The following SMG5 variants were observed in gnomAD, a reference collection of about 807,000 sequenced individuals.
SMG5 encodes SMG5 nonsense mediated mRNA decay factor, also known as nonsense-mediated mRNA decay factor SMG5.
In SMG5, 53 loss-of-function variants were observed where a neutral mutation model predicts 122.9. That is an observed-to-expected ratio of 0.43 (90% confidence interval 0.35 to 0.54). The LOEUF (loss-of-function observed/expected upper bound fraction) is 0.54. SMG5 is among the 20% of genes least tolerant of loss of function. The probability of loss-of-function intolerance (pLI) is 0.01; values close to 1 mark genes in which losing one functional copy is unlikely to be tolerated. For missense variants in SMG5, 1,153 were observed against 1,285.6 expected (o/e 0.90, Z 1.58); for synonymous variants, 477 against 490.2 (o/e 0.97, Z 0.35).
At chr1:156,288,460 G>A in the SMG5 span, among the ~76,000 whole-genome samples, 12 of 151,542 alleles carry the variant, frequency 7.9e-5, no homozygotes, top group Non-Finnish European at 1.6e-4. Flanking sequence ...TCAGCCCCCC[G>A]AGTAGCTGAG....
chr1:156,252,555 A>G (rs376573613), intron 18 of SMG5, 51 bp from the exon 19 acceptor site: 20 of 1,576,420 alleles, frequency 1.3e-5, no homozygotes, highest in Non-Finnish European at 1.7e-5. Flanking sequence ...GACTGCTGTG[A>G]CAAGGGGCTC....
chr1:156,263,575 G>A lies in SMG5; in HGVS notation c.1856-5C>T, dbSNP rs193232337. 8.7e-4 allele frequency: 1,396 copies of A among 1,611,046 alleles called. 9 individuals are homozygous for A. The highest frequency in any genetic ancestry group is 2.5e-3 in the Middle Eastern group (15 of 6,068). The stretch of plus-strand genomic sequence containing the variant: ...ACTCAGAGCCCTCCTCAGAGGCTGG[G>A]GGGTGGGTGAATGGAAGAGAAAAAA... On this transcript the variant is annotated splice_polypyrimidine_tract_variant and splice_region_variant and intron_variant, in intron 12 of 21. Transcript: ENST00000361813.
At chr1:156,276,095 C>CA in intron 4 of SMG5, among the ~76,000 whole-genome samples, 1 of 151,352 alleles carries the variant, frequency 6.6e-6, no homozygotes, top group Middle Eastern at 3.5e-3. Context: ...AGATTACAGG[C>CA]ATGAGCCACC....
upstream of SMG5, chr1:156,285,785 G>A (rs750962203): frequency 2.5e-6 from 4 of 1,613,584 alleles, no homozygotes; most frequent in Non-Finnish European, 3.4e-6. Context: ...CTGTTCCTGT[G>A]GGGGCTGCGG....
chr1:156,274,746 A>G (rs777943324), intron 4 of SMG5, 60 bp from the exon 5 acceptor site: 1 of 1,361,426 alleles, frequency 7.3e-7, no homozygotes, highest in Non-Finnish European at 1.0e-6. Flanking sequence ...GCACCTATGA[A>G]GAAATACCCC....
At chr1:156,257,828 T>C (rs762195440) in intron 16 of SMG5, among the ~76,000 whole-genome samples, 13 of 152,148 alleles carry the variant, frequency 8.5e-5, no homozygotes, top group East Asian at 1.9e-4. Context: ...GAGGAGGGGA[T>C]TGGCTTGAGA....
intron 7 of SMG5, among the ~76,000 whole-genome samples, chr1:156,270,963 T>C (rs1172435858): frequency 4.7e-5 from 7 of 150,440 alleles, no homozygotes; most frequent in East Asian, 1.9e-4. Context: ...GCCGAGATCA[T>C]GCCATTGCAC....
chr1:156,286,360 G>A (rs1663161978), upstream of SMG5: 2 of 1,614,114 alleles, frequency 1.2e-6, no homozygotes, highest in African/African-American at 2.7e-5. Flanking sequence ...ATGTGGCCCA[G>A]TCGGTCCAGC....
At position 156,253,045 on chromosome 1, in the gene SMG5, G is replaced by A. The variant is rs1479692319; in HGVS notation, c.2536C>T (p.Gln846Ter). Residue 846 changes from glutamine (Q) to a stop codon, truncating the protein, a stop_gained, in exon 18 of 22, where the codon CAG becomes TAG. Transcript: ENST00000361813. LOFTEE classifies it high-confidence loss of function. ...GACATGGCTGACTGGGCCTTGGGCT[G>A]CTGCAGGCTGCCCTCCAGCTGAGAC... ...EVSQLEGSLQQPKAQSAMSPY... is the reference protein window; with the variant it reads ...EVSQLEGSLQ 6.2e-7 allele frequency: 1 copy of A among 1,611,186 alleles called. No individual in the cohort carries two copies. Among genetic ancestry groups the A allele is most frequent in the Non-Finnish European group, 8.5e-7 (1 of 1,178,744 alleles).
At chr1:156,285,575 G>A (rs762518038), upstream of SMG5, 6 of 1,614,094 alleles carry the variant, frequency 3.7e-6, no homozygotes, top group Non-Finnish European at 5.1e-6. Context: ...GCCCGAAGAC[G>A]ATGCCAACCT....
intron 13 of SMG5, 85 bp downstream of exon 13, chr1:156,263,308 CAG>C (rs1259186113): frequency 2.1e-6 from 3 of 1,439,546 alleles, no homozygotes; most frequent in African/African-American, 2.8e-5. Context: ...CCTTGGCCAT[CAG>C]GGGGGATCCT....
At chr1:156,272,168 T>TG (rs534823943) in intron 7 of SMG5, 152 bp downstream of exon 7, 153 of 683,236 alleles carry the variant, frequency 2.2e-4, no homozygotes, top group Non-Finnish European at 3.4e-4. Context: ...AGCAGGGCTG[T>TG]GTCAGAGTCC....
At chr1:156,251,110 A>G in intron 20 of SMG5, 114 bp from the exon 21 acceptor site, 1 of 1,410,020 alleles carries the variant, frequency 7.1e-7, no homozygotes, top group South Asian at 1.3e-5. Flanking sequence ...AGTGAGCAGC[A>G]GTGGGCCCTG....
At chr1:156,264,838 C>T (rs887433284) in intron 12 of SMG5, among the ~76,000 whole-genome samples, 1 of 152,148 alleles carries the variant, frequency 6.6e-6, no homozygotes, top group African/African-American at 2.4e-5. Flanking sequence ...CCAGCCTGGC[C>T]AACATGGCGA....
chr1:156,261,367 A>C lies in SMG5; in HGVS notation c.2073T>G (p.Asn691Lys), dbSNP rs765696191. Residue 691 changes from asparagine (N) to lysine (K), a missense_variant, in exon 14 of 22, where the codon AAT becomes AAG. Physicochemically the swap from Asn to Lys is moderately conservative, Grantham distance 94 (BLOSUM62 0). Around this residue, in one of 5 missense-constraint regions of SMG5, gnomAD observed 631 missense variants for 650.6 expected, o/e 0.97. Coordinates refer to ENST00000361813, the MANE Select transcript of SMG5 (RefSeq NM_015327.3). ...GGAGTTCACCAGCAGCAGGCAACAG[A>C]TTCAGCAACACAGACAGGCGGTTCC... ...SLWNRLSVLLNLLPAAGELQE... is the reference protein window; with the variant it reads ...SLWNRLSVLLKLLPAAGELQE... 2 of 1,614,186 alleles carry C rather than the reference A, an allele frequency of 1.2e-6. No individual in the cohort carries two copies. Among genetic ancestry groups the C allele is most frequent in the Non-Finnish European group, 1.7e-6 (2 of 1,180,040 alleles).
In SMG5 at chr1:156,277,142, A is replaced by G; in HGVS notation, c.397T>C (p.Tyr133His). Residue 133 changes from tyrosine to histidine, a missense_variant, in exon 4 of 22, where the codon TAC becomes CAC. By Grantham distance (83) the Tyr-to-His change is moderately conservative. This residue lies in a region of SMG5 where 213 missense variants were observed against 197.5 expected (regional missense o/e 1.08). Transcript: ENST00000361813. ...ATGCAGCACTGCAGTTCCAGCTGGTAGTGGGACTGGATATAGAGAAGGAGA... is the reference window on the plus strand; with the variant it reads ...ATGCAGCACTGCAGTTCCAGCTGGTGGTGGGACTGGATATAGAGAAGGAGA... ...QHLLLYIQSH[Y>H]QLELQCCIDW... 6.2e-7 allele frequency: 1 copy of G among 1,614,004 alleles called. No individual in the cohort carries two copies. Among genetic ancestry groups the G allele is most frequent in the Non-Finnish European group, 8.5e-7 (1 of 1,179,954 alleles).
chr1:156,253,663 G>A, intron 16 of SMG5, 155 bp from the exon 17 acceptor site: 7 of 693,632 alleles, frequency 1.0e-5, no homozygotes, highest in Admixed American at 8.9e-5. Context: ...AGGCATGGAA[G>A]AAAAAATATT....
chr1:156,277,120 C>G lies in SMG5; in HGVS notation c.419G>C (p.Cys140Ser). The stretch of plus-strand genomic sequence containing the variant: ...GTCAGTGACATGGGTCCAGTCGATG[C>G]AGCACTGCAGTTCCAGCTGGTAGTG... Reference protein sequence around the residue: ...QSHYQLELQCCIDWTHVTDPL... With the variant: ...QSHYQLELQCSIDWTHVTDPL... The change falls in exon 4 of 22, where the codon TGC (cysteine) becomes TCC (serine). Residue 140 changes from cysteine (C) to serine (S), a missense_variant. Around this residue, in one of 5 missense-constraint regions of SMG5, gnomAD observed 213 missense variants for 197.5 expected, o/e 1.08. Coordinates refer to ENST00000361813, the MANE Select transcript of SMG5 (RefSeq NM_015327.3). The G allele has an allele frequency of 1.2e-6, 2 of 1,613,842 alleles. No homozygotes were observed. The highest frequency in any genetic ancestry group is 2.2e-5 in the South Asian group (2 of 91,050).
intron 7 of SMG5, 130 bp downstream of exon 7, chr1:156,272,190 G>C (rs1308951248): frequency 1.2e-6 from 1 of 806,330 alleles, no homozygotes; most frequent in Non-Finnish European, 2.0e-6. Context: ...CCTGAATGGA[G>C]AGACCCTTCA....
Sources: gnomAD v4.1 joint callset for allele counts (sites outside exome capture counted in the v4.1 genomes callset) on GRCh38, gnomAD v4.1.1 for gene constraint, gnomAD v4.1.1 regional missense constraint, MANE v1.5 for transcripts, NCBI Gene and HGNC (gene_info 2026-07-23, HGNC 2026-07-21) for gene names.